Variants in ATG5 observed in about 807,000 individuals in gnomAD.
The protein encoded by ATG5 is autophagy protein 5.
In ATG5, 14 loss-of-function variants were observed where a neutral mutation model predicts 36.5. That is an observed-to-expected ratio of 0.38 (90% CI 0.25 to 0.60). ATG5 has a LOEUF of 0.60. Among genes scored for constraint, ATG5 ranks in the 20% least tolerant of loss-of-function variants. The pLI, the probability that ATG5 is intolerant of heterozygous loss-of-function variation, is 0.60. For missense variants in ATG5, 195 were observed against 326.7 expected (o/e 0.60, Z 3.11); for synonymous variants, 95 against 101.5 (o/e 0.94, Z 0.38).
chr6:106,276,874 G>A (rs1376281906), intron 5 of ATG5, among the ~76,000 whole-genome samples: 1 of 152,064 alleles, frequency 6.6e-6, no homozygotes, highest in South Asian at 2.1e-4. Flanking sequence ...CCTTCTTAAG[G>A]AGGTGTAAAT....
chr6:106,214,885 C>A lies in ATG5; in HGVS notation c.574-12796G>T, dbSNP rs1308618009. ...AGTAGACTAGCCAAAAAAGAAGCTT[C>A]ATATAAAAGTGCTAGGATTGATATT... is the stretch of plus-strand genomic sequence containing the variant. On this transcript the variant is annotated intron_variant, in intron 6 of 7. Coordinates refer to ENST00000369076, the MANE Select transcript of ATG5 (RefSeq NM_004849.4). 2.6e-5 allele frequency among the ~76,000 whole-genome samples: 4 copies of A among 152,178 alleles called. 1 individual carries two copies. The East Asian group carries it at 7.7e-4, about 29-fold the overall frequency.
At chr6:106,298,407 T>A (rs546609927) in intron 3 of ATG5, among the ~76,000 whole-genome samples, 28 of 152,150 alleles carry the variant, frequency 1.8e-4, no homozygotes, top group African/African-American at 6.5e-4. Flanking sequence ...TTAAATTAGC[T>A]GGGCGTGGTG....
chr6:106,292,973 A>C, intron 4 of ATG5, 55 bp downstream of exon 4: 2 of 1,386,158 alleles, frequency 1.4e-6, no homozygotes, highest in Non-Finnish European at 2.0e-6. Flanking sequence ...TTCTACTCGA[A>C]GTCTATTTAT....
intron 7 of ATG5, among the ~76,000 whole-genome samples, chr6:106,193,135 A>AC (rs1776032104): frequency 1.3e-5 from 2 of 152,234 alleles, no homozygotes; most frequent in Non-Finnish European, 2.9e-5. Flanking sequence ...GTAGCAGTAA[A>AC]AATGAACATA....
At chr6:106,199,462 A>C (rs549807525) in intron 7 of ATG5, among the ~76,000 whole-genome samples, 82 of 152,234 alleles carry the variant, frequency 5.4e-4, no homozygotes, top group Non-Finnish European at 4.6e-4. Flanking sequence ...ACAGTTGCAC[A>C]AGACTATATG....
At chr6:106,315,878 G>A (rs578111817) in intron 2 of ATG5, among the ~76,000 whole-genome samples, 1 of 152,270 alleles carries the variant, frequency 6.6e-6, no homozygotes, top group Non-Finnish European at 1.5e-5. Context: ...ACAAAGTCCA[G>A]AACGCATCAT....
intron 5 of ATG5, among the ~76,000 whole-genome samples, chr6:106,269,551 C>T (rs558461253): frequency 3.3e-4 from 50 of 152,338 alleles, no homozygotes; most frequent in African/African-American, 1.2e-3. Flanking sequence ...CCCTGCCCCG[C>T]GGGAAGGCAG....
At chr6:106,194,993 A>G (rs1362042183) in intron 7 of ATG5, among the ~76,000 whole-genome samples, 1 of 152,152 alleles carries the variant, frequency 6.6e-6, no homozygotes, top group Admixed American at 6.5e-5. Context: ...GAAACGACAA[A>G]AACAATTTAC....
chr6:106,247,445 T>C (rs932206903), intron 6 of ATG5, among the ~76,000 whole-genome samples: 1 of 152,248 alleles, frequency 6.6e-6, no homozygotes, highest in Non-Finnish European at 1.5e-5. Flanking sequence ...TATTGCCTAC[T>C]TTGTGGTACA....
At chr6:106,196,552 C>T (rs769166515) in intron 7 of ATG5, among the ~76,000 whole-genome samples, 22 of 151,832 alleles carry the variant, frequency 1.4e-4, no homozygotes, top group Non-Finnish European at 2.5e-4. Flanking sequence ...GGTGAAACCC[C>T]GTCTCTACCA....
intron 1 of ATG5, among the ~76,000 whole-genome samples, chr6:106,317,031 T>A (rs1213210031): frequency 6.6e-6 from 1 of 152,142 alleles, no homozygotes; most frequent in Non-Finnish European, 1.5e-5. Flanking sequence ...CTCAGAATAT[T>A]CTCTATACCA....
chr6:106,265,036 C>T (rs1246140061), intron 5 of ATG5, among the ~76,000 whole-genome samples: 1 of 152,012 alleles, frequency 6.6e-6, no homozygotes, highest in Non-Finnish European at 1.5e-5. Flanking sequence ...AATTAAAAGA[C>T]ACAGACTGGC....
chr6:106,270,874 C>T (rs1260785193), intron 5 of ATG5, among the ~76,000 whole-genome samples: 1 of 152,176 alleles, frequency 6.6e-6, no homozygotes, highest in Non-Finnish European at 1.5e-5. Context: ...TTTAACCCAT[C>T]CTCTACATCC....
At position 106,257,071 on chromosome 6, in the gene ATG5, A is replaced by G. The variant is rs1463745316; in HGVS notation, c.479-8827T>C. On this transcript the variant is annotated intron_variant, in intron 5 of 7. Transcript: ENST00000369076. ...AACTTAAGACTTTTTGTTAAAAACTAAGACACAAATACACACATTAGCCTA... is the reference window on the plus strand; with the variant it reads ...AACTTAAGACTTTTTGTTAAAAACTGAGACACAAATACACACATTAGCCTA... 2.0e-5 allele frequency among the ~76,000 whole-genome samples: 3 copies of G among 152,194 alleles called. No individual in the cohort carries two copies. In the South Asian group the frequency reaches 6.2e-4, roughly 32 times the overall value.
intron 2 of ATG5, among the ~76,000 whole-genome samples, chr6:106,309,741 CA>C (rs531815007): frequency 1.6e-3 from 245 of 152,132 alleles, no homozygotes; most frequent in African/African-American, 5.5e-3. Flanking sequence ...ACAGATGTGA[CA>C]TTAAAGTCTC....
At chr6:106,302,308 T>C (rs1037422090) in intron 3 of ATG5, among the ~76,000 whole-genome samples, 5 of 152,020 alleles carry the variant, frequency 3.3e-5, no homozygotes, top group Non-Finnish European at 7.4e-5. Flanking sequence ...TTAGTACACC[T>C]GGAAAGACCT....
chr6:106,306,780 T>C (rs1387367872), intron 3 of ATG5, among the ~76,000 whole-genome samples: 1 of 152,180 alleles, frequency 6.6e-6, no homozygotes, highest in Non-Finnish European at 1.5e-5. Flanking sequence ...TACTCTTCTA[T>C]TTAATAATTG....
At chr6:106,273,782 T>C (rs1041064537) in intron 5 of ATG5, among the ~76,000 whole-genome samples, 1 of 152,176 alleles carries the variant, frequency 6.6e-6, no homozygotes, top group African/African-American at 2.4e-5. Context: ...GGCAATGCAA[T>C]GACAACCCAC....
intron 7 of ATG5, among the ~76,000 whole-genome samples, chr6:106,199,174 T>TA (rs1463416500): frequency 2.0e-5 from 3 of 152,112 alleles, no homozygotes; most frequent in Non-Finnish European, 4.4e-5. Flanking sequence ...TCTTTTAAAA[T>TA]AAAAAATAAA....
Sources: allele counts gnomAD v4.1 joint callset (sites outside exome capture counted in the v4.1 genomes callset), GRCh38; gene constraint gnomAD v4.1.1; transcripts MANE v1.5; gene names NCBI Gene and HGNC (gene_info 2026-07-23, HGNC 2026-07-21).